DUSP10: variants seen among roughly 807,000 people sequenced by gnomAD.
DUSP10 encodes dual specificity protein phosphatase 10.
Under a neutral mutation model 30.8 loss-of-function variants are expected in DUSP10, and 14 were observed. The ratio of observed to expected loss-of-function variants is 0.46; its 90% CI spans 0.30 to 0.71. DUSP10 has a LOEUF of 0.71. DUSP10 is among the 30% of genes least tolerant of loss of function. The probability of loss-of-function intolerance (pLI) is 0.08; values close to 1 mark genes in which losing one functional copy is unlikely to be tolerated. For synonymous variants in DUSP10, 254 were observed against 250.4 expected, an observed-to-expected ratio of 1.01 and a Z score of -0.14; for missense variants, 550 against 619.4, an observed-to-expected ratio of 0.89 and a Z score of 1.19.
chr1:221,733,672 C>T (rs542694832), intron 2 of DUSP10, among the ~76,000 whole-genome samples: 1 of 152,314 alleles, frequency 6.6e-6, no homozygotes, highest in African/African-American at 2.4e-5. Flanking sequence ...CTTTGTATCA[C>T]CTTGTTTCAA....
At position 221,730,276 on chromosome 1, in the gene DUSP10, C is replaced by G. The variant is rs536080142; in HGVS notation, c.811+8658G>C. On this transcript the variant is annotated intron_variant, in intron 2 of 3. Transcript: ENST00000366899. ...CAAAACGGTGACTGCCTCCTTACCT[C>G]AGGACACAAAATAAGATCAGTCGAG... is the stretch of plus-strand genomic sequence containing the variant. Among the ~76,000 whole-genome samples, 11 of 152,292 alleles carry G rather than the reference C, an allele frequency of 7.2e-5. No individual in the cohort carries two copies. In the East Asian group the frequency reaches 1.2e-3, roughly 16 times the overall value.
chr1:221,706,861 A>G lies in DUSP10; in HGVS notation c.812-395T>C, dbSNP rs1660785098. Among the ~76,000 whole-genome samples the G allele has an allele frequency of 6.6e-6, 1 of 152,184 alleles. No individual in the cohort carries two copies. Among genetic ancestry groups the G allele is most frequent in the Admixed American group, 6.5e-5 (1 of 15,278 alleles). ...GCTTTGGGAGCCAAGAAAGGCACAG[A>G]TGACCTCCTCGGGTGGAATCTCAGC... On this transcript the variant is annotated intron_variant, in intron 2 of 3. Coordinates refer to ENST00000366899, the MANE Select transcript of DUSP10 (RefSeq NM_007207.6). The surrounding 1 kb of genome is among the most constrained non-coding windows in gnomAD (Gnocchi z 4.6).
intron 2 of DUSP10, among the ~76,000 whole-genome samples, chr1:221,731,929 A>G (rs1661619327): frequency 6.6e-6 from 1 of 152,140 alleles, no homozygotes; most frequent in Non-Finnish European, 1.5e-5. Flanking sequence ...AAAAAGAAAA[A>G]GAAAAAAAAA....
intron 2 of DUSP10, among the ~76,000 whole-genome samples, chr1:221,736,616 CT>C (rs1661781484): frequency 6.6e-6 from 1 of 152,196 alleles, no homozygotes; most frequent in Admixed American, 6.5e-5. Context: ...GTATTAATCT[CT>C]GGTTTACCAA....
In DUSP10 at chr1:221,713,766, A is replaced by C. The variant is rs148494864; in HGVS notation, c.812-7300T>G. On this transcript the variant is annotated intron_variant, in intron 2 of 3. Coordinates refer to ENST00000366899, the MANE Select transcript of DUSP10 (RefSeq NM_007207.6). ...TGGAGAGCAGGACTAGTCTTATTTA[A>C]ATCCCTTTGTACACAGGAATTAGCC... Among the ~76,000 whole-genome samples the C allele has an allele frequency of 7.4e-3, 1,134 of 152,308 alleles. 12 individuals carry two copies. Among genetic ancestry groups the C allele is most frequent in the African/African-American group, 0.025 (1,052 of 41,562 alleles).
chr1:221,704,045 G>T (rs180700096), intron 3 of DUSP10, among the ~76,000 whole-genome samples: 1 of 151,644 alleles, frequency 6.6e-6, no homozygotes, highest in East Asian at 1.9e-4. Context: ...GCTTCTGAGT[G>T]CCTGGCTGGA....
chr1:221,703,336 A>G (rs1394666070), intron 3 of DUSP10, among the ~76,000 whole-genome samples: 2 of 152,112 alleles, frequency 1.3e-5, no homozygotes, highest in Non-Finnish European at 2.9e-5. Context: ...TAGAGAAAAA[A>G]CACTTTCTTT....
intron 3 of DUSP10, among the ~76,000 whole-genome samples, chr1:221,704,316 TAA>T (rs10543773): frequency 0.14 from 19,343 of 134,266 alleles, 1,878 homozygotes; most frequent in African/African-American, 0.29. Context: ...TTGTTTTCCT[TAA>T]AAAAAAAAAA....
Position 221,729,427 on chromosome 1 carries a change from C to T in DUSP10, c.811+9507G>A, listed in dbSNP as rs144012295. Among the ~76,000 whole-genome samples, 10 of 152,268 alleles carry T rather than the reference C, an allele frequency of 6.6e-5. No individual in the cohort carries two copies. The East Asian group carries it at 1.7e-3, about 26-fold the overall frequency. On this transcript the variant is annotated intron_variant, in intron 2 of 3. Coordinates refer to ENST00000366899, the MANE Select transcript of DUSP10 (RefSeq NM_007207.6). Reference sequence around the variant, plus strand: ...GAGACTTGCAAATAGATATGGCCAGCCTGAAAAGAATTTGGGCTTTGAAAT... The same window carrying T: ...GAGACTTGCAAATAGATATGGCCAGTCTGAAAAGAATTTGGGCTTTGAAAT...
intron 2 of DUSP10, among the ~76,000 whole-genome samples, chr1:221,714,445 G>A (rs553983320): frequency 3.9e-5 from 6 of 152,268 alleles, no homozygotes; most frequent in African/African-American, 1.4e-4. Context: ...CAAAATGGCG[G>A]CTCCATCTTC....
intron 2 of DUSP10, among the ~76,000 whole-genome samples, chr1:221,716,552 A>G (rs1267734881): frequency 2.0e-5 from 3 of 152,098 alleles, no homozygotes; most frequent in Non-Finnish European, 4.4e-5. Flanking sequence ...AATTTTGTCT[A>G]CTTCTATTGA....
chr1:221,737,656 A>G (rs1661817930), intron 2 of DUSP10, among the ~76,000 whole-genome samples: 1 of 152,186 alleles, frequency 6.6e-6, no homozygotes, highest in African/African-American at 2.4e-5. Flanking sequence ...GTGGTAGTGT[A>G]GCCCCATGAG....
chr1:221,731,616 T>C (rs1406853167), intron 2 of DUSP10, among the ~76,000 whole-genome samples: 1 of 97,788 alleles, frequency 1.0e-5, no homozygotes, highest in Non-Finnish European at 2.0e-5. Context: ...TTTTTTTTTT[T>C]TTTTTCTTTT....
Position 221,702,708 on chromosome 1 carries a change from G to C in DUSP10, c.1184-31C>G. 1 of 1,608,624 alleles carries C rather than the reference G, an allele frequency of 6.2e-7. No homozygotes were observed. Among genetic ancestry groups the C allele is most frequent in the Non-Finnish European group, 8.5e-7 (1 of 1,176,124 alleles). The stretch of plus-strand genomic sequence containing the variant: ...AAAAGGGAGAAAGACAAGAGATGAA[G>C]GGAAGATGGAAGAGAGAGGCACGGA... On this transcript the variant is annotated intron_variant, in intron 3 of 3. Coordinates refer to ENST00000366899, the MANE Select transcript of DUSP10 (RefSeq NM_007207.6). The surrounding 1 kb of genome is among the most constrained non-coding windows in gnomAD (Gnocchi z 4.5).
chr1:221,702,458 G>C lies in DUSP10; in HGVS notation c.1403C>G (p.Pro468Arg). Residue 468 changes from proline (P) to arginine (R), a missense_variant, in exon 4 of 4, where the codon CCG becomes CGG. Coordinates refer to ENST00000366899, the MANE Select transcript of DUSP10 (RefSeq NM_007207.6). The surrounding 1 kb of genome is among the most constrained non-coding windows in gnomAD (Gnocchi z 4.5). ...CATCAGCTTTGGTGTAAGGATTCTCGGTGTCACACCGTTGTTTAGGTCTTC... is the reference window on the plus strand; with the variant it reads ...CATCAGCTTTGGTGTAAGGATTCTCCGTGTCACACCGTTGTTTAGGTCTTC... ...FEEDLNNGVT[P>R]RILTPKLMGV... is the part of the protein sequence containing the mutation. 6.2e-7 allele frequency: 1 copy of C among 1,614,036 alleles called. No homozygotes were observed.
In DUSP10 at chr1:221,739,734, G is replaced by A; in HGVS notation, c.11C>T (p.Ser4Phe). Residue 4 changes from serine (S) to phenylalanine (F), a missense_variant, in exon 2 of 4, where the codon TCT (serine) becomes TTT (phenylalanine). Transcript: ENST00000366899. ...CACTACTACCCTGTCGTCTAAAGGA[G>A]ACGGAGGCATGAGGAGGCTGAAAAC... The part of the protein sequence containing the change: MPP[S>F]PLDDRVVVAL... The A allele has an allele frequency of 1.9e-6, 3 of 1,591,070 alleles. No homozygotes were observed. The South Asian group carries it at 3.4e-5, about 18-fold the overall frequency.
At position 221,702,195 on chromosome 1, in the gene DUSP10, T is replaced by G. The variant is rs1354814388; in HGVS notation, c.*217A>C. The stretch of plus-strand genomic sequence containing the variant: ...GCTTAAAAAAATTACTTCTTTAACC[T>G]CCTTAATTTGTCAGTTTGTGGGAGG... On this transcript the variant is annotated 3_prime_UTR_variant, in exon 4 of 4. Transcript: ENST00000366899. The surrounding 1 kb of genome is among the most constrained non-coding windows in gnomAD (Gnocchi z 4.5). The G allele has an allele frequency of 5.4e-6, 3 of 552,786 alleles. No homozygotes were observed. Among genetic ancestry groups the G allele is most frequent in the Non-Finnish European group, 9.5e-6 (3 of 317,220 alleles). The allele number at this position is 552,786 out of a possible 1,614,324, so 34.2% of individuals were successfully genotyped here.
Position 221,739,021 on chromosome 1 carries a change from C to T in DUSP10, c.724G>A (p.Glu242Lys), listed in dbSNP as rs778777376. 1.9e-6 allele frequency: 3 copies of T among 1,614,138 alleles called. No individual in the cohort carries two copies. Among genetic ancestry groups the T allele is most frequent in the South Asian group, 1.1e-5 (1 of 91,080 alleles). The change falls in exon 2 of 4, where the codon GAA (glutamate) becomes AAA (lysine). Residue 242 changes from glutamate (E) to lysine (K), a missense_variant. Glu to Lys is a moderately conservative substitution (Grantham distance 56, BLOSUM62 1). Transcript: ENST00000366899. The part of the protein sequence containing the change: ...EIIVYDENTN[E>K]PSRVMPSQPL... ...TGGGAGGGCATCACTCGGCTTGGTT[C>T]ATTGGTATTCTCATCATAAACTATA...
chr1:221,727,019 G>T (rs1356133402), intron 2 of DUSP10, among the ~76,000 whole-genome samples: 1 of 152,104 alleles, frequency 6.6e-6, no homozygotes. Flanking sequence ...TTGAGCCCAT[G>T]AGAAAAGAGC....
Sources: gnomAD v4.1 joint callset for allele counts (sites outside exome capture counted in the v4.1 genomes callset) on GRCh38, gnomAD v4.1.1 for gene constraint, Gnocchi (gnomAD v3.1) non-coding constraint, MANE v1.5 for transcripts, NCBI Gene and HGNC (gene_info 2026-07-23, HGNC 2026-07-21) for gene names.